The following TASOR2 variants were observed in gnomAD, a reference collection of about 807,000 sequenced individuals.
TASOR2 encodes protein TASOR 2.
TASOR2 carries 84 observed loss-of-function variants against 199.5 expected under a neutral mutation model. The observed-to-expected ratio is 0.42, with a 90% CI of 0.35 to 0.50. The LOEUF (loss-of-function observed/expected upper bound fraction) is 0.50, where lower values mean the gene tolerates loss of function less well. Among genes scored for constraint, TASOR2 ranks in the 20% least tolerant of loss-of-function variants. The pLI is 0.02. For synonymous variants in TASOR2, 1,103 were observed against 1,046.6 expected, an observed-to-expected ratio of 1.05 and a Z score of -1.04; for missense variants, 2,796 against 2,835.9, an observed-to-expected ratio of 0.99 and a Z score of 0.32.
rs763967778 is a variant in TASOR2 at position 5,747,587 on chromosome 10, A to C, written c.4166A>C (p.Asp1389Ala). The C allele has an allele frequency of 1.6e-5, 26 of 1,614,100 alleles. No individual in the cohort carries two copies. Among genetic ancestry groups the C allele is most frequent in the Non-Finnish European group, 2.0e-5 (24 of 1,179,992 alleles). The stretch of plus-strand genomic sequence containing the variant: ...GCAGAGGAAATTAATGTGACCTCTG[A>C]TTTTCCCTTTGATTCTGTAATTGAA... Residue 1389 changes from aspartate to alanine, a missense_variant, in exon 15 of 21, where the codon GAT (aspartate) becomes GCT (alanine). Asp to Ala is a moderately radical substitution (Grantham distance 126, BLOSUM62 -2). This residue lies in a region of TASOR2 where 1,941 missense variants were observed against 1,924.9 expected (regional missense o/e 1.01). Coordinates refer to ENST00000328090, the Ensembl canonical transcript of TASOR2.
chr10:5,707,739 C>G (rs2131537931), intron 1 of TASOR2, among the ~76,000 whole-genome samples: 1 of 47,442 alleles, frequency 2.1e-5, no homozygotes, highest in South Asian at 6.1e-4. Context: ...CACACACACA[C>G]ACACACACAC....
At position 5,690,500 on chromosome 10, in the gene TASOR2, T is replaced by C. The variant is rs913601106; in HGVS notation, c.-288+5325T>C. Among the ~76,000 whole-genome samples the C allele has an allele frequency of 1.3e-5, 2 of 152,212 alleles. No individual in the cohort carries two copies. The highest frequency in any genetic ancestry group is 2.9e-5 in the Non-Finnish European group (2 of 68,044). ...CTACTTTACCCTTGTGCATATCCCCTATTTATCTGTGCCCAGGACATTTTG... is the reference window on the plus strand; with the variant it reads ...CTACTTTACCCTTGTGCATATCCCCCATTTATCTGTGCCCAGGACATTTTG... On this transcript the variant is annotated intron_variant, in intron 1 of 20. Coordinates refer to ENST00000328090, the Ensembl canonical transcript of TASOR2. This position sits in a 1 kb window ranked among gnomAD's most constrained non-coding sequence, Gnocchi z 4.8.
intron 1 of TASOR2, among the ~76,000 whole-genome samples, chr10:5,704,526 A>G (rs912796633): frequency 6.6e-6 from 1 of 152,084 alleles, no homozygotes; most frequent in Admixed American, 6.6e-5. Flanking sequence ...TCCTTGATTA[A>G]TTTGACTAAA....
chr10:5,729,822 T>A (rs1012979103), intron 10 of TASOR2, among the ~76,000 whole-genome samples: 1 of 151,994 alleles, frequency 6.6e-6, no homozygotes, highest in Non-Finnish European at 1.5e-5. Flanking sequence ...CCTTTTCTCT[T>A]TTTTTTTCCC....
Position 5,763,085 on chromosome 10 carries a change from T to C in TASOR2, c.*53T>C, listed in dbSNP as rs1420815777. 1.4e-5 allele frequency: 22 copies of C among 1,590,620 alleles called. No homozygotes were observed. In the East Asian group the frequency reaches 4.1e-4, roughly 29 times the overall value. On this transcript the variant is annotated 3_prime_UTR_variant, in exon 21 of 21. Transcript: ENST00000328090. ...TGATGCCAATAAAAAATTAGTATTT[T>C]CCCTTTGGAAAACTTGTGAACATGT...
At chr10:5,759,797 G>A (rs1839511853) in intron 18 of TASOR2, among the ~76,000 whole-genome samples, 2 of 152,242 alleles carry the variant, frequency 1.3e-5, no homozygotes, top group Admixed American at 6.5e-5. Context: ...TCTTGAAGTG[G>A]AGCTAGCAAA....
intron 1 of TASOR2, chr10:5,709,463 T>C: frequency 9.5e-7 from 1 of 1,055,376 alleles, no homozygotes; most frequent in East Asian, 3.3e-5. Context: ...CGAACATTTG[T>C]TTCTATAGTA....
rs751749641 is a variant in TASOR2, at chr10:5,735,565, A to G, written c.1447+19A>G. Reference sequence around the variant, plus strand: ...CAACCTGGTAAGAAATACTCTTCCTATAAATTTAAACACCCCAATACAGAT... The same window carrying G: ...CAACCTGGTAAGAAATACTCTTCCTGTAAATTTAAACACCCCAATACAGAT... On this transcript the variant is annotated intron_variant, in intron 12 of 20. Transcript: ENST00000328090. 1.9e-5 allele frequency: 31 copies of G among 1,609,706 alleles called. 1 individual carries two copies. In the Admixed American group the frequency reaches 2.5e-4, roughly 13 times the overall value.
chr10:5,725,588 A>G (rs1833954371), intron 8 of TASOR2, among the ~76,000 whole-genome samples: 1 of 147,638 alleles, frequency 6.8e-6, no homozygotes, highest in Admixed American at 6.9e-5. Context: ...GCAACATAGC[A>G]AGATCTTATC....
chr10:5,739,676 T>A (rs769287727), exon 13 of TASOR2: 2 of 1,613,922 alleles, frequency 1.2e-6, no homozygotes, highest in South Asian at 2.2e-5. Flanking sequence ...GTCAAGAAGA[T>A]GGGATTAGCA....
chr10:5,741,415 C>A (rs753631331), intron 13 of TASOR2, among the ~76,000 whole-genome samples: 2 of 152,202 alleles, frequency 1.3e-5, no homozygotes, highest in Non-Finnish European at 2.9e-5. Context: ...GTCAGGCTTT[C>A]TTCTATACAC....
intron 1 of TASOR2, among the ~76,000 whole-genome samples, chr10:5,703,938 C>G (rs991943303): frequency 7.9e-5 from 12 of 151,748 alleles, no homozygotes; most frequent in Non-Finnish European, 1.5e-4. Flanking sequence ...AGTTTTCATT[C>G]TTGGCCAGGC....
intron 10 of TASOR2, among the ~76,000 whole-genome samples, chr10:5,729,014 T>C (rs1337884410): frequency 6.6e-6 from 1 of 152,220 alleles, no homozygotes; most frequent in African/African-American, 2.4e-5. Context: ...AAATATGATA[T>C]GAACTTGCTA....
At position 5,737,539 on chromosome 10, in the gene TASOR2, C is replaced by T. The variant is rs1048539997; in HGVS notation, c.1447+1993C>T. ...CCTTCCCCTGCGGCCCTCTGTGCCT[C>T]CCCCAGGCAACCTCTGCCCTTCAGG... is the stretch of plus-strand genomic sequence containing the variant. On this transcript the variant is annotated intron_variant, in intron 12 of 20. Transcript: ENST00000328090. This position sits in a 1 kb window ranked among gnomAD's most constrained non-coding sequence, Gnocchi z 4.9. 1.3e-5 allele frequency among the ~76,000 whole-genome samples: 2 copies of T among 151,922 alleles called. No homozygotes were observed. Among genetic ancestry groups the T allele is most frequent in the Non-Finnish European group, 2.9e-5 (2 of 67,980 alleles).
chr10:5,723,020 A>T (rs1833572787), intron 6 of TASOR2, among the ~76,000 whole-genome samples: 2 of 148,396 alleles, frequency 1.3e-5, no homozygotes. Flanking sequence ...ACACAAAAAA[A>T]GGAAAAAGTA....
intron 1 of TASOR2, among the ~76,000 whole-genome samples, chr10:5,702,323 AT>A (rs1837966443): frequency 6.6e-6 from 1 of 152,174 alleles, no homozygotes; most frequent in East Asian, 1.9e-4. Context: ...CATGGCAAAT[AT>A]CTTTTTACTG....
chr10:5,749,245 C>A (rs771341618), exon 15 of TASOR2: 2 of 1,614,232 alleles, frequency 1.2e-6, no homozygotes, highest in Non-Finnish European at 1.7e-6. Context: ...GAGAACTTCA[C>A]ACGGCCTGAG....
rs988283867 is a variant in TASOR2, at chr10:5,762,713, G to A, written c.7289+67G>A. 6 of 793,876 alleles carry A rather than the reference G, an allele frequency of 7.6e-6. No individual in the cohort carries two copies. In the East Asian group the frequency reaches 1.6e-4, roughly 21 times the overall value. 49.2% of individuals were successfully genotyped at this position (793,876 alleles called of 1,614,324 possible). A position where few individuals can be genotyped will look rare whatever the true frequency, so the allele number is the denominator to read the frequency against. On this transcript the variant is annotated intron_variant, in intron 20 of 20. Transcript: ENST00000328090. ...TTGTTGATGGCAAATATTGACATTT[G>A]TGTCTAAGGGAAACAGTTGGGAAAC...
At chr10:5,747,502 G>A (rs776231002) in exon 15 of TASOR2, 42 of 1,613,942 alleles carry the variant, frequency 2.6e-5, no homozygotes, top group Non-Finnish European at 1.7e-6. Flanking sequence ...GGAGAGAAAG[G>A]GGGATAATTT....
Sources: allele counts gnomAD v4.1 joint callset (sites outside exome capture counted in the v4.1 genomes callset), GRCh38; gene constraint gnomAD v4.1.1; regional missense constraint gnomAD v4.1.1; non-coding constraint Gnocchi (gnomAD v3.1); transcripts MANE v1.5; gene names NCBI Gene and HGNC (gene_info 2026-07-23, HGNC 2026-07-21).